The following OTX2 variants were observed in gnomAD, a reference collection of about 807,000 sequenced individuals.
OTX2 encodes homeobox protein OTX2.
In OTX2, 4 loss-of-function variants were observed where a neutral mutation model predicts 29.0. The ratio of observed to expected loss-of-function variants is 0.14; its 90% CI spans 0.07 to 0.32. The LOEUF is 0.32. Among genes scored for constraint, OTX2 ranks in the 10% least tolerant of loss-of-function variants. The probability of loss-of-function intolerance (pLI) is 1.00; values close to 1 mark genes in which losing one functional copy is unlikely to be tolerated. For synonymous variants in OTX2, 134 were observed against 141.0 expected (o/e 0.95, Z 0.35); for missense variants, 298 against 365.9 (o/e 0.81, Z 1.51).
intron 4 of OTX2, among the ~76,000 whole-genome samples, chr14:56,803,118 C>T (rs1391526571): frequency 6.6e-6 from 1 of 152,194 alleles, no homozygotes; most frequent in East Asian, 1.9e-4. Context: ...CACTTCAACC[C>T]CCTGCTGCAA....
At chr14:56,807,930 C>A (rs1892144166) in intron 2 of OTX2, among the ~76,000 whole-genome samples, 1 of 152,032 alleles carries the variant, frequency 6.6e-6, no homozygotes, top group East Asian at 1.9e-4. Context: ...TCGGCGACCG[C>A]ACCTCCGGGC....
chr14:56,805,713 C>G, intron 2 of OTX2, 138 bp from the exon 3 acceptor site: 1 of 454,648 alleles, frequency 2.2e-6, no homozygotes, highest in Non-Finnish European at 4.0e-6. Context: ...GCAGACACTC[C>G]CCCCACCCCC....
intron 2 of OTX2, among the ~76,000 whole-genome samples, chr14:56,807,993 C>T (rs1352769938): frequency 1.4e-5 from 2 of 147,908 alleles, no homozygotes; most frequent in African/African-American, 5.3e-5. Flanking sequence ...CCCCGCAGCC[C>T]CGCAGCCCCG....
At chr14:56,809,398 AT>A (rs922099458) in intron 2 of OTX2, among the ~76,000 whole-genome samples, 23 of 152,190 alleles carry the variant, frequency 1.5e-4, no homozygotes, top group African/African-American at 5.3e-4. Flanking sequence ...GGTGGTTTGG[AT>A]TTTGGGGGGT....
rs1469593986 is a variant in OTX2 at position 56,800,234 on chromosome 14, TCA to T, written c.*1499_*1500del. 2.6e-5 allele frequency: 4 copies of T among 152,172 alleles called. No individual in the cohort carries two copies. Among genetic ancestry groups the T allele is most frequent in the African/African-American group, 9.6e-5 (4 of 41,518 alleles). The allele number at this position is 152,172 out of a possible 1,614,324, so 9.4% of individuals were successfully genotyped here. ...GGAATCATTTCTGCCTGAATTACTTTCAGATTCTGATTACACTCCCTCTCATG... is the reference window on the plus strand; with the variant it reads ...GGAATCATTTCTGCCTGAATTACTTTGATTCTGATTACACTCCCTCTCATG... On this transcript the variant is annotated 3_prime_UTR_variant, in exon 5 of 5. Transcript: ENST00000672264.
chr14:56,801,644 A>G lies in OTX2; in HGVS notation c.*91T>C, dbSNP rs1891880117. 1 of 1,420,518 alleles carries G rather than the reference A, an allele frequency of 7.0e-7. No homozygotes were observed. The highest frequency in any genetic ancestry group is 9.9e-7 in the Non-Finnish European group (1 of 1,007,624). The allele number at this position is 1,420,518 out of a possible 1,614,324, so 88.0% of individuals were successfully genotyped here. A position where few individuals can be genotyped will look rare whatever the true frequency, so the allele number is the denominator to read the frequency against. ...ATCAGATGAGTCTGAGCATCATCCC[A>G]TCTAACTCTTTTAACCAATGCCTGG... On this transcript the variant is annotated 3_prime_UTR_variant, in exon 5 of 5. Coordinates refer to ENST00000672264, the MANE Select transcript of OTX2 (RefSeq NM_021728.4). This position sits in a 1 kb window ranked among gnomAD's most constrained non-coding sequence, Gnocchi z 4.2.
At chr14:56,809,214 G>C (rs1159937432) in intron 2 of OTX2, among the ~76,000 whole-genome samples, 3 of 152,174 alleles carry the variant, frequency 2.0e-5, no homozygotes, top group African/African-American at 7.2e-5. Flanking sequence ...GGCGGAGCAG[G>C]GGCCACTAGC....
chr14:56,808,827 A>G (rs1238760087), intron 2 of OTX2, among the ~76,000 whole-genome samples: 3 of 152,212 alleles, frequency 2.0e-5, no homozygotes, highest in Non-Finnish European at 2.9e-5. Context: ...GAAGGAAGCA[A>G]AAGCCAACTC....
In OTX2 at chr14:56,802,199, T is replaced by G; in HGVS notation, c.430A>C (p.Ser144Arg). 1 of 1,614,124 alleles carries G rather than the reference T, an allele frequency of 6.2e-7. No individual in the cohort carries two copies. The highest frequency in any genetic ancestry group is 8.5e-7 in the Non-Finnish European group (1 of 1,180,016). ...CTGGCAATGGTCGGGACTGAGGTGCTAGAGGGGGGAGTGAATTGGCCACTT... is the reference window on the plus strand; with the variant it reads ...CTGGCAATGGTCGGGACTGAGGTGCGAGAGGGGGGAGTGAATTGGCCACTT... Reference protein sequence around the residue: ...GTSGQFTPPSSTSVPTIASSS... With the variant: ...GTSGQFTPPSRTSVPTIASSS... The change falls in exon 5 of 5, where the codon AGC (serine) becomes CGC (arginine). Residue 144 changes from serine to arginine, a missense_variant. Ser to Arg is a moderately radical substitution (Grantham distance 110, BLOSUM62 -1). Coordinates refer to ENST00000672264, the MANE Select transcript of OTX2 (RefSeq NM_021728.4). This position sits in a 1 kb window ranked among gnomAD's most constrained non-coding sequence, Gnocchi z 4.4.
In OTX2 at chr14:56,808,950, G is replaced by A. The variant is rs533225788; in HGVS notation, c.-120+1209C>T. On this transcript the variant is annotated intron_variant, in intron 2 of 4. Coordinates refer to ENST00000672264, the MANE Select transcript of OTX2 (RefSeq NM_021728.4). The stretch of plus-strand genomic sequence containing the variant: ...CGAAGACTTCTTGGGAGTTTGCAGA[G>A]CGACCCGTCGCCCGCGCCCGGCGCT... 5.1e-4 allele frequency among the ~76,000 whole-genome samples: 77 copies of A among 152,370 alleles called. 1 individual carries two copies. The highest frequency in any genetic ancestry group is 2.5e-3 in the South Asian group (12 of 4,830).
intron 2 of OTX2, among the ~76,000 whole-genome samples, chr14:56,807,774 C>G (rs1283307676): frequency 6.6e-6 from 1 of 152,250 alleles, no homozygotes; most frequent in African/African-American, 2.4e-5. Flanking sequence ...TTTCAAAGCT[C>G]TTTTCCTCTC....
rs1892009437 is a variant in OTX2, at chr14:56,804,484, T to A, written c.98-121A>T. ...AGCCCTTCAGCCGGGAGCCTACCAA[T>A]GCTCTCCCCACCGTCTCCCCAGCCT... On this transcript the variant is annotated intron_variant, in intron 3 of 4. Coordinates refer to ENST00000672264, the MANE Select transcript of OTX2 (RefSeq NM_021728.4). This position sits in a 1 kb window ranked among gnomAD's most constrained non-coding sequence, Gnocchi z 4.1. The A allele has an allele frequency of 1.1e-6, 1 of 921,670 alleles. No individual in the cohort carries two copies. The highest frequency in any genetic ancestry group is 1.6e-6 in the Non-Finnish European group (1 of 624,032). 57.1% of individuals were successfully genotyped at this position (921,670 alleles called of 1,614,324 possible).
chr14:56,801,528 C>T lies in OTX2; in HGVS notation c.*207G>A, dbSNP rs952150059. On this transcript the variant is annotated 3_prime_UTR_variant, in exon 5 of 5. Coordinates refer to ENST00000672264, the MANE Select transcript of OTX2 (RefSeq NM_021728.4). This position sits in a 1 kb window ranked among gnomAD's most constrained non-coding sequence, Gnocchi z 4.2. ...CAATGATCTAAAACTATGACAGGATCTTAAGCAGATTGGTTTGTCCATTTC... is the reference window on the plus strand; with the variant it reads ...CAATGATCTAAAACTATGACAGGATTTTAAGCAGATTGGTTTGTCCATTTC... The T allele has an allele frequency of 1.6e-6, 1 of 610,310 alleles. No individual in the cohort carries two copies. The highest frequency in any genetic ancestry group is 2.9e-6 in the Non-Finnish European group (1 of 345,646). The allele number at this position is 610,310 out of a possible 1,614,324, so 37.8% of individuals were successfully genotyped here.
chr14:56,805,316 G>T, intron 3 of OTX2, 44 bp downstream of exon 3: 1 of 1,293,042 alleles, frequency 7.7e-7, no homozygotes. Flanking sequence ...CCGGAGGGTG[G>T]GCATGGGGAA....
In OTX2 at chr14:56,802,419, C is replaced by T. The variant is rs985513619; in HGVS notation, c.274-64G>A. 1.5e-5 allele frequency: 23 copies of T among 1,562,920 alleles called. No homozygotes were observed. In the East Asian group the frequency reaches 3.8e-4, roughly 26 times the overall value. On this transcript the variant is annotated intron_variant, in intron 4 of 4. Transcript: ENST00000672264. The surrounding 1 kb of genome is among the most constrained non-coding windows in gnomAD (Gnocchi z 4.4). ...AGTTCCTTAAGGACAAGAATGGCTCCCGTATTATAAATCTATCCTACATGG... is the reference window on the plus strand; with the variant it reads ...AGTTCCTTAAGGACAAGAATGGCTCTCGTATTATAAATCTATCCTACATGG...
chr14:56,802,048 C>T lies in OTX2; in HGVS notation c.581G>A (p.Ser194Asn), dbSNP rs762435469. Residue 194 changes from serine (S) to asparagine (N), a missense_variant, in exon 5 of 5, where the codon AGT becomes AAT. Ser to Asn is a conservative substitution (Grantham distance 46). Transcript: ENST00000672264. The surrounding 1 kb of genome is among the most constrained non-coding windows in gnomAD (Gnocchi z 4.4). The part of the protein sequence containing the change: ...PMTYTQASGY[S>N]QGYAGSTSYF... ...GGAAGTTGAGCCAGCATATCCTTGA[C>T]TATAACCTGAAGCCTGAGTATAGGT... 2 of 1,614,198 alleles carry T rather than the reference C, an allele frequency of 1.2e-6. No individual in the cohort carries two copies. Among genetic ancestry groups the T allele is most frequent in the Admixed American group, 1.7e-5 (1 of 60,022 alleles).
At position 56,804,029 on chromosome 14, in the gene OTX2, A is replaced by G. The variant is rs1211343685; in HGVS notation, c.273+159T>C. Among the ~76,000 whole-genome samples, 1 of 152,144 alleles carries G rather than the reference A, an allele frequency of 6.6e-6. No individual in the cohort carries two copies. ...GGGATTAAGTGGTGACGGGCAGGCA[A>G]AAAAGGGCAGAAGGAGAATAGTTTC... On this transcript the variant is annotated intron_variant, in intron 4 of 4. Coordinates refer to ENST00000672264, the MANE Select transcript of OTX2 (RefSeq NM_021728.4). The surrounding 1 kb of genome is among the most constrained non-coding windows in gnomAD (Gnocchi z 4.1).
intron 2 of OTX2, among the ~76,000 whole-genome samples, chr14:56,808,347 T>G (rs1892161408): frequency 6.6e-6 from 1 of 152,148 alleles, no homozygotes; most frequent in South Asian, 2.1e-4. Flanking sequence ...GACTGGCGAC[T>G]GGCCTGCGGC....
rs1431270041 is a variant in OTX2, at chr14:56,800,272, T to C, written c.*1463A>G. 2 of 58,736 alleles carry C rather than the reference T, an allele frequency of 3.4e-5. No individual in the cohort carries two copies. Among genetic ancestry groups the C allele is most frequent in the East Asian group, 1.4e-3 (2 of 1,424 alleles). The allele number at this position is 58,736 out of a possible 1,614,324, so 3.6% of individuals were successfully genotyped here. On this transcript the variant is annotated 3_prime_UTR_variant, in exon 5 of 5. Transcript: ENST00000672264. ...ACACTCCCTCTCATGTTTACCTCAGTTTTTGGAAGTTAAAAAAAAAAAATC... is the reference window on the plus strand; with the variant it reads ...ACACTCCCTCTCATGTTTACCTCAGCTTTTGGAAGTTAAAAAAAAAAAATC...
Sources: gnomAD v4.1 joint callset for allele counts (sites outside exome capture counted in the v4.1 genomes callset) on GRCh38, gnomAD v4.1.1 for gene constraint, Gnocchi (gnomAD v3.1) non-coding constraint, MANE v1.5 for transcripts, NCBI Gene and HGNC (gene_info 2026-07-23, HGNC 2026-07-21) for gene names.